RAB3C: variants seen among roughly 807,000 people sequenced by gnomAD.
The protein encoded by RAB3C is RAB3C, member RAS oncogene family, also known as ras-related protein Rab-3C.
A neutral mutation model predicts 26.4 loss-of-function variants in RAB3C; 17 were observed. That is an observed-to-expected ratio of 0.64 (90% CI 0.44 to 0.97). The LOEUF is 0.97. RAB3C is among the 50% of genes least tolerant of loss of function. The pLI is 0.00. For synonymous variants in RAB3C, 91 were observed against 95.9 expected (o/e 0.95, Z 0.30); for missense variants, 242 against 281.9 (o/e 0.86, Z 1.01).
upstream of RAB3C, chr5:58,583,011 G>A (rs1490819936): frequency 1.5e-5 from 21 of 1,397,212 alleles, no homozygotes; most frequent in African/African-American, 2.9e-5. Context: ...CGAGACTACA[G>A]CTCCCAGGAG....
intron 3 of RAB3C, among the ~76,000 whole-genome samples, chr5:58,787,092 C>G (rs985363538): frequency 1.3e-5 from 2 of 152,176 alleles, no homozygotes; most frequent in African/African-American, 4.8e-5. Context: ...GGCAGCCCCA[C>G]AACAGCACGC....
At chr5:58,612,039 G>A (rs1440516976) in intron 1 of RAB3C, among the ~76,000 whole-genome samples, 4 of 152,026 alleles carry the variant, frequency 2.6e-5, no homozygotes, top group African/African-American at 7.2e-5. Context: ...TCAGACAGTT[G>A]TAGGTGTGCG....
intron 3 of RAB3C, among the ~76,000 whole-genome samples, chr5:58,727,949 A>G (rs1740926051): frequency 6.6e-6 from 1 of 151,930 alleles, no homozygotes; most frequent in African/African-American, 2.4e-5. Context: ...CTAGAAGCAA[A>G]CTAAACCATT....
chr5:58,625,241 C>A (rs1747027576), intron 2 of RAB3C, among the ~76,000 whole-genome samples: 1 of 152,130 alleles, frequency 6.6e-6, no homozygotes, highest in African/African-American at 2.4e-5. Context: ...TTATTTTTAA[C>A]CTCAAAATGT....
intron 3 of RAB3C, among the ~76,000 whole-genome samples, chr5:58,732,030 C>T (rs969850177): frequency 5.3e-5 from 8 of 151,566 alleles, no homozygotes; most frequent in Non-Finnish European, 1.0e-4. Context: ...CCAGGAAGAT[C>T]TGAGGGGTTG....
chr5:58,582,334 T>C, upstream of RAB3C: 9 of 938,370 alleles, frequency 9.6e-6, no homozygotes, highest in Non-Finnish European at 1.1e-5. Flanking sequence ...CCCCGCTTCC[T>C]ACGTAGAGCC....
In RAB3C at chr5:58,858,692, G is replaced by A. The variant is rs192068497; in HGVS notation, c.*7341G>A. 1 of 152,278 alleles carries A rather than the reference G, an allele frequency of 6.6e-6. No individual in the cohort carries two copies. The highest frequency in any genetic ancestry group is 6.5e-5 in the Admixed American group (1 of 15,292). 9.4% of individuals were successfully genotyped at this position (152,278 alleles called of 1,614,324 possible). ...TTCCTTTGAATGGAAGAGAGACAAA[G>A]CTATCAGCTATAGATCATTGTTTTC... On this transcript the variant is annotated 3_prime_UTR_variant, in exon 5 of 5. Transcript: ENST00000282878.
intron 3 of RAB3C, among the ~76,000 whole-genome samples, chr5:58,756,298 TCTTA>T (rs557644178): frequency 1.4e-3 from 205 of 147,258 alleles, no homozygotes; most frequent in African/African-American, 4.4e-3. Context: ...GTAGATATTC[TCTTA>T]CTTAGCCCCA....
intron 2 of RAB3C, among the ~76,000 whole-genome samples, chr5:58,634,386 G>T (rs1367363660): frequency 6.6e-6 from 1 of 152,106 alleles, no homozygotes; most frequent in Non-Finnish European, 1.5e-5. Flanking sequence ...AAACTGTCTG[G>T]GTTCAAATGC....
chr5:58,693,336 G>GTATTTATATA (rs1341115094), intron 2 of RAB3C, among the ~76,000 whole-genome samples: 1 of 111,774 alleles, frequency 8.9e-6, no homozygotes, highest in African/African-American at 3.7e-5. Context: ...ATATATATGT[G>GTATTTATATA]TATATATATA....
intron 1 of RAB3C, among the ~76,000 whole-genome samples, chr5:58,599,546 C>A (rs1561261916): frequency 6.6e-6 from 1 of 152,182 alleles, no homozygotes; most frequent in East Asian, 1.9e-4. Context: ...GCTGCCAAGA[C>A]TCAGTGTGGG....
intron 2 of RAB3C, among the ~76,000 whole-genome samples, chr5:58,691,570 A>G (rs1440375949): frequency 6.6e-6 from 1 of 150,386 alleles, no homozygotes. Flanking sequence ...ACCAGGCATA[A>G]TAGACTCTCT....
intron 2 of RAB3C, among the ~76,000 whole-genome samples, chr5:58,647,264 C>T (rs912054545): frequency 1.3e-5 from 2 of 152,210 alleles, no homozygotes; most frequent in African/African-American, 2.4e-5. Flanking sequence ...TTAATTGTCT[C>T]ACAGTTCTGC....
chr5:58,588,266 T>C (rs923898825), intron 1 of RAB3C, among the ~76,000 whole-genome samples: 4 of 152,196 alleles, frequency 2.6e-5, no homozygotes, highest in Admixed American at 2.6e-4. Context: ...TATTAAGCTT[T>C]ATAAGAAACA....
intron 4 of RAB3C, among the ~76,000 whole-genome samples, chr5:58,850,110 G>T (rs1744083167): frequency 6.6e-6 from 1 of 152,212 alleles, no homozygotes; most frequent in African/African-American, 2.4e-5. Flanking sequence ...TGGGGAGGTT[G>T]TCATGGCAAC....
intron 1 of RAB3C, among the ~76,000 whole-genome samples, chr5:58,594,584 GT>G (rs978163069): frequency 6.6e-6 from 1 of 152,080 alleles, no homozygotes. Context: ...AATACACCAA[GT>G]TTTTCACAGA....
chr5:58,600,499 T>C (rs1339581800), intron 1 of RAB3C, among the ~76,000 whole-genome samples: 1 of 152,174 alleles, frequency 6.6e-6, no homozygotes, highest in Non-Finnish European at 1.5e-5. Context: ...TTTGTTTGTG[T>C]CATCTATGAT....
chr5:58,676,699 G>A (rs1018708202), intron 2 of RAB3C, among the ~76,000 whole-genome samples: 5 of 151,980 alleles, frequency 3.3e-5, no homozygotes, highest in African/African-American at 1.2e-4. Flanking sequence ...AGCATGTGAG[G>A]ATATTTGACA....
At chr5:58,585,659 G>T (rs930981665) in intron 1 of RAB3C, among the ~76,000 whole-genome samples, 3 of 151,912 alleles carry the variant, frequency 2.0e-5, no homozygotes, top group Non-Finnish European at 4.4e-5. Flanking sequence ...ATCATGTAAG[G>T]TCTTTTAAAA....
Sources: allele counts gnomAD v4.1 joint callset (sites outside exome capture counted in the v4.1 genomes callset), GRCh38; gene constraint gnomAD v4.1.1; transcripts MANE v1.5; gene names NCBI Gene and HGNC (gene_info 2026-07-23, HGNC 2026-07-21).